Variants in DAB1 observed in about 807,000 individuals in gnomAD.
DAB1 encodes disabled homolog 1.
Under a neutral mutation model 64.6 loss-of-function variants are expected in DAB1, and 15 were observed. The ratio of observed to expected loss-of-function variants is 0.23; its 90% confidence interval spans 0.16 to 0.36. DAB1 has a LOEUF of 0.36. Among genes scored for constraint, DAB1 ranks in the 10% least tolerant of loss-of-function variants. The pLI is 1.00. For missense variants in DAB1, 596 were observed against 706.7 expected (o/e 0.84, Z 1.78); for synonymous variants, 235 against 251.9 (o/e 0.93, Z 0.64).
intron 5 of DAB1, among the ~76,000 whole-genome samples, chr1:58,049,975 C>T (rs1006542867): frequency 5.9e-5 from 9 of 151,972 alleles, no homozygotes; most frequent in Non-Finnish European, 5.9e-5. Flanking sequence ...AGTTGGGAAC[C>T]GTATGGAATC....
chr1:58,496,025 T>C (rs1421269876), intron 3 of DAB1, among the ~76,000 whole-genome samples: 1 of 152,172 alleles, frequency 6.6e-6, no homozygotes, highest in African/African-American at 2.4e-5. Flanking sequence ...TAAAAACCCA[T>C]CTTGAGAAAT....
At chr1:58,059,363 C>T (rs1277741191) in intron 5 of DAB1, among the ~76,000 whole-genome samples, 1 of 152,206 alleles carries the variant, frequency 6.6e-6, no homozygotes, top group Non-Finnish European at 1.5e-5. Context: ...ATGACTGTTA[C>T]TACTTAAGAA....
At chr1:57,931,695 C>T (rs1020423134) in intron 5 of DAB1, among the ~76,000 whole-genome samples, 2 of 152,024 alleles carry the variant, frequency 1.3e-5, no homozygotes, top group African/African-American at 4.8e-5. Context: ...CTAGTGATAT[C>T]TCCTCTTTTA....
chr1:57,612,662 T>A (rs1398580454), intron 7 of DAB1, among the ~76,000 whole-genome samples: 2 of 152,152 alleles, frequency 1.3e-5, no homozygotes, highest in Non-Finnish European at 2.9e-5. Flanking sequence ...AAGATCTTAA[T>A]TTCAGCCCAG....
At chr1:58,289,434 T>C (rs1483139603) in intron 4 of DAB1, among the ~76,000 whole-genome samples, 3 of 152,280 alleles carry the variant, frequency 2.0e-5, no homozygotes, top group Non-Finnish European at 2.9e-5. Flanking sequence ...CCAGTCATTT[T>C]CCCCTCATTA....
intron 5 of DAB1, among the ~76,000 whole-genome samples, chr1:57,965,842 T>TA (rs1038347068): frequency 2.6e-5 from 4 of 152,044 alleles, no homozygotes; most frequent in African/African-American, 9.7e-5. Flanking sequence ...AAATAAGAAA[T>TA]AGACCATTAA....
At chr1:58,159,996 C>CT (rs56147464) in intron 4 of DAB1, among the ~76,000 whole-genome samples, 48 of 150,074 alleles carry the variant, frequency 3.2e-4, no homozygotes, top group African/African-American at 9.5e-4. Context: ...AAGAAGATAC[C>CT]TTTTTTTTTT....
intron 5 of DAB1, among the ~76,000 whole-genome samples, chr1:58,063,710 A>C (rs541253774): frequency 6.6e-6 from 1 of 152,306 alleles, no homozygotes; most frequent in African/African-American, 2.4e-5. Flanking sequence ...CTTTCCCTGC[A>C]TTATCTTGCC....
At chr1:57,442,563 TA>T (rs1410476236) in intron 7 of DAB1, among the ~76,000 whole-genome samples, 1 of 152,202 alleles carries the variant, frequency 6.6e-6, no homozygotes, top group African/African-American at 2.4e-5. Context: ...TCACTAATCA[TA>T]AAATTTCCTG....
intron 5 of DAB1, among the ~76,000 whole-genome samples, chr1:57,971,172 G>A (rs1201771441): frequency 6.6e-6 from 1 of 152,166 alleles, no homozygotes; most frequent in Admixed American, 6.5e-5. Flanking sequence ...GGCTTCATGA[G>A]AAGTGTTTTT....
intron 7 of DAB1, among the ~76,000 whole-genome samples, chr1:57,431,143 C>CAAAAAA (rs77701798): frequency 0.037 from 3,589 of 95,990 alleles, 44 homozygotes; most frequent in South Asian, 0.047. Flanking sequence ...AGGCCAAAAA[C>CAAAAAA]AAAAAAAAAA....
chr1:58,166,750 G>GTT (rs35872481), intron 4 of DAB1, among the ~76,000 whole-genome samples: 5 of 134,948 alleles, frequency 3.7e-5, no homozygotes, highest in African/African-American at 5.6e-5. Flanking sequence ...TTGTTTGTTC[G>GTT]TTTTTTTTTT....
chr1:57,296,498 G>A (rs1673203496), intron 1 of DAB1, among the ~76,000 whole-genome samples: 1 of 151,938 alleles, frequency 6.6e-6, no homozygotes, highest in Non-Finnish European at 1.5e-5. Flanking sequence ...CGCATGGCAG[G>A]TACAAAATGA....
intron 4 of DAB1, among the ~76,000 whole-genome samples, chr1:58,177,932 A>G (rs969674640): frequency 6.6e-6 from 1 of 152,204 alleles, no homozygotes; most frequent in Non-Finnish European, 1.5e-5. Flanking sequence ...AAGAAGAGTG[A>G]TTCTCTGAGC....
intron 4 of DAB1, among the ~76,000 whole-genome samples, chr1:58,264,520 T>G (rs1661118014): frequency 6.6e-6 from 1 of 152,224 alleles, no homozygotes; most frequent in African/African-American, 2.4e-5. Context: ...CTCATTCAAG[T>G]TCAGACTTGG....
At chr1:57,956,946 A>C (rs1367742672) in intron 5 of DAB1, among the ~76,000 whole-genome samples, 3 of 152,196 alleles carry the variant, frequency 2.0e-5, no homozygotes, top group Non-Finnish European at 4.4e-5. Context: ...CCTTGGATCT[A>C]CCAGAGCTTG....
rs571211755 is a variant in DAB1, at chr1:57,071,314, G to A, written c.558+208C>T. 12 of 687,644 alleles carry A rather than the reference G, an allele frequency of 1.7e-5. 1 individual carries two copies. The highest frequency in any genetic ancestry group is 1.6e-4 in the South Asian group (8 of 48,754). The allele number at this position is 687,644 out of a possible 1,614,324, so 42.6% of individuals were successfully genotyped here. ...ACCCCTGAAATCTTTCTCTGGATTC[G>A]AGATTTCACTTCATCTAACATGTCT... On this transcript the variant is annotated intron_variant, in intron 6 of 14. Coordinates refer to ENST00000371236, the MANE Select transcript of DAB1 (RefSeq NM_001365792.1).
intron 5 of DAB1, among the ~76,000 whole-genome samples, chr1:58,113,686 G>A (rs1652127009): frequency 6.6e-6 from 1 of 151,466 alleles, no homozygotes; most frequent in African/African-American, 2.4e-5. Context: ...GGAAAGATAA[G>A]GGGAGCTCAA....
intron 7 of DAB1, among the ~76,000 whole-genome samples, chr1:57,445,986 T>C (rs1686122779): frequency 6.6e-6 from 1 of 152,182 alleles, no homozygotes; most frequent in South Asian, 2.1e-4. Flanking sequence ...TTTCTCTGTG[T>C]GGGAATGGGC....
Sources: gnomAD v4.1 joint callset for allele counts (sites outside exome capture counted in the v4.1 genomes callset) on GRCh38, gnomAD v4.1.1 for gene constraint, MANE v1.5 for transcripts, NCBI Gene and HGNC (gene_info 2026-07-23, HGNC 2026-07-21) for gene names.